MTUS1: variants seen among roughly 807,000 people sequenced by gnomAD.
MTUS1 encodes the protein microtubule associated scaffold protein 1.
In MTUS1, 109 loss-of-function variants were observed where a neutral mutation model predicts 120.8. The observed-to-expected ratio is 0.90, with a 90% confidence interval of 0.77 to 1.06. MTUS1 has a LOEUF of 1.06. Among genes scored for constraint, MTUS1 ranks in the 50% least tolerant of loss-of-function variants. The probability of loss-of-function intolerance (pLI) is 0.00; values close to 1 mark genes in which losing one functional copy is unlikely to be tolerated. For synonymous variants in MTUS1, 737 were observed against 550.5 expected (o/e 1.34, Z -4.74); for missense variants, 2,210 against 1,486.3 (o/e 1.49, Z -8.01).
chr8:17,759,514 G>C (rs1409127303), intron 1 of MTUS1, among the ~76,000 whole-genome samples: 1 of 150,144 alleles, frequency 6.7e-6, no homozygotes. Flanking sequence ...CACAATCTTT[G>C]ACATCTGATC....
At chr8:17,697,350 A>C (rs749185600) in intron 6 of MTUS1, 6 of 1,614,186 alleles carry the variant, frequency 3.7e-6, no homozygotes, top group Non-Finnish European at 5.1e-6. Flanking sequence ...TGAATGGTGG[A>C]TAAGGAGAAT....
intron 1 of MTUS1, chr8:17,800,525 C>T (rs983753523): frequency 2.6e-5 from 4 of 152,058 alleles, no homozygotes; most frequent in Non-Finnish European, 5.9e-5. Flanking sequence ...AGTACGTCTT[C>T]AAAAAAGAAC....
intron 8 of MTUS1, among the ~76,000 whole-genome samples, chr8:17,656,671 G>C (rs975739711): frequency 6.6e-6 from 1 of 151,208 alleles, no homozygotes; most frequent in African/African-American, 2.4e-5. Flanking sequence ...GTCAAGAAAA[G>C]AGCCTTGGCC....
rs1806609266 is a variant in MTUS1, at chr8:17,649,888, T to C, written c.3459A>G (p.Lys1153=). ...TTAACTTGATGTCCTGTTGATGCAG[T>C]TTCTCATTCTTGATCTCTAACACAG... ...LKAVLEIKNE[K]LHQQDIKLMK... The change falls in exon 13 of 15, where the codon AAA becomes AAG. Residue 1153 remains lysine (K), a synonymous_variant. Coordinates refer to ENST00000693296, the MANE Select transcript of MTUS1 (RefSeq NM_001363059.2). 1 of 1,609,766 alleles carries C rather than the reference T, an allele frequency of 6.2e-7. No individual in the cohort carries two copies. The highest frequency in any genetic ancestry group is 1.3e-5 in the African/African-American group (1 of 74,830).
chr8:17,671,224 T>G (rs1341153855), intron 8 of MTUS1, among the ~76,000 whole-genome samples: 3 of 152,014 alleles, frequency 2.0e-5, no homozygotes, highest in Non-Finnish European at 4.4e-5. Context: ...GCAGTGGAGC[T>G]GCCGGCTGTT....
At chr8:17,707,282 C>G (rs1289335955) in intron 6 of MTUS1, among the ~76,000 whole-genome samples, 2 of 152,222 alleles carry the variant, frequency 1.3e-5, no homozygotes, top group Non-Finnish European at 2.9e-5. Context: ...CCCAAAGTCA[C>G]TGGCTTTTCA....
chr8:17,778,348 G>C (rs543402254), intron 1 of MTUS1, among the ~76,000 whole-genome samples: 1 of 152,276 alleles, frequency 6.6e-6, no homozygotes, highest in African/African-American at 2.4e-5. Context: ...ATTGGTGTTT[G>C]TCTAAGAATG....
At chr8:17,736,474 C>T (rs1041509459) in intron 3 of MTUS1, among the ~76,000 whole-genome samples, 3 of 152,222 alleles carry the variant, frequency 2.0e-5, no homozygotes, top group African/African-American at 7.2e-5. Context: ...TGCCTCCCTC[C>T]TCCCTTCCTT....
chr8:17,756,347 A>G (rs1229480144), intron 1 of MTUS1, among the ~76,000 whole-genome samples: 9 of 152,144 alleles, frequency 5.9e-5, no homozygotes, highest in Non-Finnish European at 1.3e-4. Context: ...ACAGTCCCAA[A>G]GTATGTCTGT....
chr8:17,709,699 T>C (rs900063029), intron 6 of MTUS1, among the ~76,000 whole-genome samples: 4 of 152,062 alleles, frequency 2.6e-5, no homozygotes, highest in Non-Finnish European at 4.4e-5. Context: ...GCAACAGCAT[T>C]ATGTCTAAAA....
In MTUS1 at chr8:17,644,257, G is replaced by C. The variant is rs559505686; in HGVS notation, c.*1669C>G. 1.4e-4 allele frequency: 21 copies of C among 152,698 alleles called. No individual in the cohort carries two copies. Among genetic ancestry groups the C allele is most frequent in the African/African-American group, 5.1e-4 (21 of 41,560 alleles). The allele number at this position is 152,698 out of a possible 1,614,324, so 9.5% of individuals were successfully genotyped here. ...GAAGTATTGGAAGTTAAAGACTTAA[G>C]ACACAAAATCACTAATTTAAAAGAA... On this transcript the variant is annotated 3_prime_UTR_variant, in exon 15 of 15. Transcript: ENST00000693296.
Position 17,684,515 on chromosome 8 carries a change from C to G in MTUS1, c.2651G>C (p.Arg884Pro), listed in dbSNP as rs187373547. The part of the protein sequence containing the change: ...AVEKSRQKNP[R>P]SLCIQPQTAP... ...TGTCTGTGGCTGGATACATAAGCTT[C>G]GAGGATTCTTTTGCCTGCTCTTTTC... The change falls in exon 7 of 15, where the codon CGA becomes CCA. Residue 884 changes from arginine to proline, a missense_variant. Physicochemically the swap from Arg to Pro is moderately radical, Grantham distance 103. Coordinates refer to ENST00000693296, the MANE Select transcript of MTUS1 (RefSeq NM_001363059.2). 6.2e-7 allele frequency: 1 copy of G among 1,613,870 alleles called. No individual in the cohort carries two copies. Among genetic ancestry groups the G allele is most frequent in the Non-Finnish European group, 8.5e-7 (1 of 1,180,016 alleles).
Position 17,719,976 on chromosome 8 carries a change from T to C in MTUS1, c.2449+3696A>G, listed in dbSNP as rs1250389014. 2.6e-5 allele frequency among the ~76,000 whole-genome samples: 4 copies of C among 151,848 alleles called. 1 individual carries two copies. Among genetic ancestry groups the C allele is most frequent in the South Asian group, 4.2e-4 (2 of 4,792 alleles). Reference sequence around the variant, plus strand: ...AAGATGACCCAGTCCTCCCTTGTCATTGATCAGAGGAGAGTATGGAGGCTG... The same window carrying C: ...AAGATGACCCAGTCCTCCCTTGTCACTGATCAGAGGAGAGTATGGAGGCTG... On this transcript the variant is annotated intron_variant, in intron 4 of 14. Transcript: ENST00000693296.
intron 4 of MTUS1, among the ~76,000 whole-genome samples, chr8:17,718,479 G>A (rs1269628361): frequency 6.6e-6 from 1 of 152,058 alleles, no homozygotes; most frequent in Non-Finnish European, 1.5e-5. Context: ...CGCCCATATC[G>A]GGTATGGGAA....
intron 3 of MTUS1, among the ~76,000 whole-genome samples, chr8:17,743,056 A>G (rs1260427842): frequency 6.6e-6 from 1 of 152,112 alleles, no homozygotes; most frequent in Admixed American, 6.5e-5. Context: ...CTTAATAGCT[A>G]TTCTTGAGGC....
chr8:17,765,321 G>A (rs770572681), intron 1 of MTUS1, among the ~76,000 whole-genome samples: 27 of 152,082 alleles, frequency 1.8e-4, no homozygotes, highest in Non-Finnish European at 2.8e-4. Context: ...GAACCTTGCC[G>A]TGATGAATCA....
At chr8:17,646,888 T>G (rs1805905168) in intron 14 of MTUS1, 94 bp downstream of exon 14, 4 of 824,412 alleles carry the variant, frequency 4.9e-6, no homozygotes, top group Non-Finnish European at 8.2e-6. Context: ...CCATCATATT[T>G]CCAGGAGGTG....
chr8:17,654,863 G>C (rs1276680519), intron 9 of MTUS1, 197 bp from the exon 10 acceptor site: 2 of 579,466 alleles, frequency 3.5e-6, no homozygotes, highest in African/African-American at 3.7e-5. Context: ...CAGAGGTGGA[G>C]GATCACTTGG....
In MTUS1 at chr8:17,755,554, G is replaced by T; in HGVS notation, c.254C>A (p.Ser85Tyr). The change falls in exon 2 of 15, where the codon TCT becomes TAT. Residue 85 changes from serine to tyrosine, a missense_variant. Physicochemically the swap from Ser to Tyr is moderately radical, Grantham distance 144 (BLOSUM62 -2). Transcript: ENST00000693296. ...CTGCTTACTAATGAAATCACTAGAA[G>T]ACTTTTCATGACCAAATACTTCAAC... ...QGVEVFGHEKSSSDFISKQVL... is the reference protein window; with the variant it reads ...QGVEVFGHEKYSSDFISKQVL... 2 of 1,614,164 alleles carry T rather than the reference G, an allele frequency of 1.2e-6. No individual in the cohort carries two copies. The highest frequency in any genetic ancestry group is 1.3e-5 in the African/African-American group (1 of 75,044).
Sources: gnomAD v4.1 joint callset for allele counts (sites outside exome capture counted in the v4.1 genomes callset) on GRCh38, gnomAD v4.1.1 for gene constraint, MANE v1.5 for transcripts, NCBI Gene and HGNC (gene_info 2026-07-23, HGNC 2026-07-21) for gene names.